The following GALNT14 variants were observed in gnomAD, a reference collection of about 807,000 sequenced individuals.
The protein encoded by GALNT14 is polypeptide N-acetylgalactosaminyltransferase 14, also known as UDP-GalNAc:polypeptide N-acetylgalactosaminyltransferase 14.
Under a neutral mutation model 77.5 loss-of-function variants are expected in GALNT14, and 60 were observed. That is an observed-to-expected ratio of 0.77 (90% confidence interval 0.63 to 0.96). The LOEUF (loss-of-function observed/expected upper bound fraction) is 0.96, where lower values mean the gene tolerates loss of function less well. GALNT14 is among the 40% of genes least tolerant of loss of function. The pLI, the probability that GALNT14 is intolerant of heterozygous loss-of-function variation, is 0.00. For synonymous variants in GALNT14, 280 were observed against 281.7 expected, an observed-to-expected ratio of 0.99 and a Z score of 0.06; for missense variants, 710 against 731.0, an observed-to-expected ratio of 0.97 and a Z score of 0.33.
chr2:30,906,846 T>G (rs1332336881), downstream of GALNT14, among the ~76,000 whole-genome samples: 4 of 152,102 alleles, frequency 2.6e-5, no homozygotes, highest in Non-Finnish European at 5.9e-5. Flanking sequence ...GAACAGAAAT[T>G]ATAACAAACT....
chr2:31,090,482 T>C lies in GALNT14; in HGVS notation c.129+47476A>G, dbSNP rs911435373. On this transcript the variant is annotated intron_variant, in intron 1 of 14. Transcript: ENST00000349752. ...CACTGCCTAAGGCAGTCCCTTCATC[T>C]TTTTTTTTTTTTTTTTTTTTTTTTT... is the stretch of plus-strand genomic sequence containing the variant. Among the ~76,000 whole-genome samples, 4 of 42,966 alleles carry C rather than the reference T, an allele frequency of 9.3e-5. No individual in the cohort carries two copies. The South Asian group carries it at 2.5e-3, about 27-fold the overall frequency. The allele number at this position is 42,966 out of a possible 152,430, so 28.2% of individuals were successfully genotyped here. A position where few individuals can be genotyped will look rare whatever the true frequency, so the allele number is the denominator to read the frequency against.
chr2:30,922,786 C>T (rs1483257606), intron 13 of GALNT14, among the ~76,000 whole-genome samples: 1 of 152,236 alleles, frequency 6.6e-6, no homozygotes, highest in African/African-American at 2.4e-5. Context: ...TTGAGGGGCC[C>T]TTCAGGCCTG....
chr2:31,064,364 A>G (rs1240317959), intron 1 of GALNT14, among the ~76,000 whole-genome samples: 2 of 152,200 alleles, frequency 1.3e-5, no homozygotes, highest in Non-Finnish European at 2.9e-5. Context: ...AGATCTAGAA[A>G]CTGCCTTCCA....
chr2:31,088,206 G>A (rs1358707366), intron 1 of GALNT14, among the ~76,000 whole-genome samples: 5 of 152,160 alleles, frequency 3.3e-5, no homozygotes, highest in Non-Finnish European at 7.4e-5. Context: ...GAGATTGAAG[G>A]GTAAGGAACA....
rs147607645 is a variant in GALNT14, at chr2:30,915,706, G to A, written c.1381-3364C>T. 6.3e-3 allele frequency among the ~76,000 whole-genome samples: 962 copies of A among 152,264 alleles called. 6 individuals are homozygous for A. Among genetic ancestry groups the A allele is most frequent in the Non-Finnish European group, 9.9e-3 (672 of 68,010 alleles). On this transcript the variant is annotated intron_variant, in intron 13 of 14. Coordinates refer to ENST00000349752, the MANE Select transcript of GALNT14 (RefSeq NM_024572.4). ...TGCTGGGCCCTCTGCTGGTGGCTTCGTTTGGGGGCCTGGCAAAAGCCTAGC... is the reference window on the plus strand; with the variant it reads ...TGCTGGGCCCTCTGCTGGTGGCTTCATTTGGGGGCCTGGCAAAAGCCTAGC...
At position 30,989,579 on chromosome 2, in the gene GALNT14, T is replaced by TATATATATATATATATACAC. The variant is rs1553351610; in HGVS notation, c.299+3258_299+3259insGTGTATATATATATATATAT. 5.5e-5 allele frequency among the ~76,000 whole-genome samples: 7 copies of TATATATATATATATATACAC among 127,194 alleles called. No individual in the cohort carries two copies. The South Asian group carries it at 1.6e-3, about 30-fold the overall frequency. 83.4% of individuals were successfully genotyped at this position (127,194 alleles called of 152,430 possible). A position where few individuals can be genotyped will look rare whatever the true frequency, so the allele number is the denominator to read the frequency against. ...AATACCTTATATATATATATATATA[T>TATATATATATATATATACAC]ATAAAAATATATATATTAGTAGATA... On this transcript the variant is annotated intron_variant, in intron 2 of 14. Coordinates refer to ENST00000349752, the MANE Select transcript of GALNT14 (RefSeq NM_024572.4).
At chr2:30,982,519 A>G (rs1392064794) in intron 2 of GALNT14, among the ~76,000 whole-genome samples, 1 of 152,242 alleles carries the variant, frequency 6.6e-6, no homozygotes, top group Non-Finnish European at 1.5e-5. Flanking sequence ...AATGTGGCTG[A>G]GTTTCATGCA....
At chr2:30,896,165 A>AT in the GALNT14 span, among the ~76,000 whole-genome samples, 1 of 152,218 alleles carries the variant, frequency 6.6e-6, no homozygotes, top group Non-Finnish European at 1.5e-5. Flanking sequence ...GAAATGCTAC[A>AT]TCCCCTCTCC....
chr2:31,076,287 C>A (rs555432948), intron 1 of GALNT14, among the ~76,000 whole-genome samples: 1 of 152,160 alleles, frequency 6.6e-6, no homozygotes, highest in Admixed American at 6.5e-5. Context: ...ATTCTCTGTA[C>A]GAAGAAACTA....
chr2:31,117,370 G>A (rs1040316051), intron 1 of GALNT14, among the ~76,000 whole-genome samples: 2 of 152,170 alleles, frequency 1.3e-5, no homozygotes, highest in African/African-American at 4.8e-5. Context: ...CTGGCTGCAT[G>A]CAAAAGAAAT....
intron 1 of GALNT14, among the ~76,000 whole-genome samples, chr2:31,028,968 G>A (rs1672242123): frequency 6.6e-6 from 1 of 152,018 alleles, no homozygotes; most frequent in Non-Finnish European, 1.5e-5. Context: ...AAGAATGAGG[G>A]CTAGGGATGA....
chr2:30,950,289 A>C (rs948972091), intron 6 of GALNT14, among the ~76,000 whole-genome samples: 7 of 152,146 alleles, frequency 4.6e-5, no homozygotes, highest in African/African-American at 1.4e-4. Flanking sequence ...TTAAAAAAAA[A>C]CCCCAACTTG....
intron 1 of GALNT14, among the ~76,000 whole-genome samples, chr2:31,122,103 T>A (rs559296844): frequency 6.6e-6 from 1 of 152,284 alleles, no homozygotes; most frequent in South Asian, 2.1e-4. Flanking sequence ...ATACAGCCAG[T>A]CCTGAGAGTG....
At chr2:30,933,340 C>T (rs1362704815) in intron 9 of GALNT14, among the ~76,000 whole-genome samples, 1 of 152,168 alleles carries the variant, frequency 6.6e-6, no homozygotes, top group Non-Finnish European at 1.5e-5. Context: ...CGAGCCCAAG[C>T]ATGTGGCTGC....
In GALNT14 at chr2:30,947,674, A is replaced by G. The variant is rs187612382; in HGVS notation, c.655-1804T>C. Among the ~76,000 whole-genome samples, 260 of 152,108 alleles carry G rather than the reference A, an allele frequency of 1.7e-3. 1 individual carries two copies. The highest frequency in any genetic ancestry group is 6.0e-3 in the African/African-American group (248 of 41,496). On this transcript the variant is annotated intron_variant, in intron 6 of 14. Coordinates refer to ENST00000349752, the MANE Select transcript of GALNT14 (RefSeq NM_024572.4). ...GCTTTTCCAATCCTCTGCACCAACC[A>G]CCCTTTGGCCAGCACAGGCAGGAAC... is the stretch of plus-strand genomic sequence containing the variant.
chr2:30,936,656 A>T (rs1395882872), intron 9 of GALNT14, among the ~76,000 whole-genome samples: 3 of 152,200 alleles, frequency 2.0e-5, no homozygotes, highest in Non-Finnish European at 4.4e-5. Flanking sequence ...CTACTGGGCT[A>T]GAAAGCAAGT....
intron 1 of GALNT14, among the ~76,000 whole-genome samples, chr2:31,130,836 T>C (rs1678960998): frequency 6.6e-6 from 1 of 151,494 alleles, no homozygotes; most frequent in Non-Finnish European, 1.5e-5. Flanking sequence ...GTTCATGTTC[T>C]TCGGTATCCC....
chr2:31,010,967 C>A (rs897825617), intron 1 of GALNT14, among the ~76,000 whole-genome samples: 18 of 152,326 alleles, frequency 1.2e-4, no homozygotes, highest in African/African-American at 4.3e-4. Context: ...AAAGAGAAGA[C>A]CAGCAAGGGC....
chr2:30,961,355 A>T (rs555084995), intron 3 of GALNT14, among the ~76,000 whole-genome samples: 1 of 152,298 alleles, frequency 6.6e-6, no homozygotes, highest in East Asian at 1.9e-4. Context: ...GCCGGCTGAC[A>T]GTTGAGTTTA....
Sources: allele counts gnomAD v4.1 joint callset (sites outside exome capture counted in the v4.1 genomes callset), GRCh38; gene constraint gnomAD v4.1.1; transcripts MANE v1.5; gene names NCBI Gene and HGNC (gene_info 2026-07-23, HGNC 2026-07-21).